CADPS2: variants seen among roughly 807,000 people sequenced by gnomAD.
CADPS2 encodes calcium-dependent secretion activator 2.
A neutral mutation model predicts 172.5 loss-of-function variants in CADPS2; 93 were observed. The observed-to-expected ratio is 0.54, with a 90% CI of 0.46 to 0.64. CADPS2 has a LOEUF of 0.64. Among genes scored for constraint, CADPS2 ranks in the 30% least tolerant of loss-of-function variants. CADPS2 has a pLI of 0.00. For missense variants in CADPS2, 1,420 were observed against 1,565.9 expected, an observed-to-expected ratio of 0.91 and a Z score of 1.57; for synonymous variants, 546 against 555.2, an observed-to-expected ratio of 0.98 and a Z score of 0.23.
intron 2 of CADPS2, chr7:122,698,220 T>C: frequency 1.2e-6 from 2 of 1,614,004 alleles, no homozygotes; most frequent in East Asian, 2.2e-5. Context: ...GTTGTCCAAA[T>C]GTGTTCTGAA....
intron 1 of CADPS2, among the ~76,000 whole-genome samples, chr7:122,754,053 CTG>C (rs1326084148): frequency 1.3e-5 from 2 of 152,190 alleles, no homozygotes; most frequent in Admixed American, 6.5e-5. Flanking sequence ...TTACACAAAA[CTG>C]TGTCTCTCCT....
intron 5 of CADPS2, among the ~76,000 whole-genome samples, chr7:122,616,908 TG>T (rs1210448549): frequency 6.6e-6 from 1 of 152,204 alleles, no homozygotes. Context: ...CAACTACACT[TG>T]GACTTACCAC....
intron 2 of CADPS2, among the ~76,000 whole-genome samples, chr7:122,732,335 C>CTT (rs994706823): frequency 6.9e-6 from 1 of 145,358 alleles, no homozygotes; most frequent in Non-Finnish European, 1.5e-5. Context: ...AGACAGAAAA[C>CTT]TTTTTTTTTT....
chr7:122,508,538 T>A (rs1416351337), intron 9 of CADPS2, among the ~76,000 whole-genome samples: 1 of 136,916 alleles, frequency 7.3e-6, no homozygotes, highest in Non-Finnish European at 1.6e-5. Context: ...AATCATGGCC[T>A]ACTGCAGCCT....
intron 1 of CADPS2, among the ~76,000 whole-genome samples, chr7:122,852,526 G>C (rs1409863582): frequency 6.6e-6 from 1 of 152,190 alleles, no homozygotes; most frequent in Non-Finnish European, 1.5e-5. Context: ...TTTAAATAGG[G>C]AGGCCAGGGA....
At chr7:122,362,751 T>C (rs2040333356) in intron 25 of CADPS2, among the ~76,000 whole-genome samples, 1 of 152,212 alleles carries the variant, frequency 6.6e-6, no homozygotes, top group Non-Finnish European at 1.5e-5. Context: ...AACAAAGTGA[T>C]AATAGTTCTA....
In CADPS2 at chr7:122,445,894, C is replaced by T. The variant is rs186250703; in HGVS notation, c.2289-4319G>A. ...TTTAGATTCGGTAAGATTTTCTACT[C>T]AGATAATCATGTTACTTGCAAATAA... On this transcript the variant is annotated intron_variant, in intron 15 of 29. Coordinates refer to ENST00000449022, the MANE Select transcript of CADPS2 (RefSeq NM_017954.11). 4.6e-5 allele frequency among the ~76,000 whole-genome samples: 7 copies of T among 152,274 alleles called. No individual in the cohort carries two copies. The East Asian group carries it at 1.3e-3, about 29-fold the overall frequency.
chr7:122,705,164 C>T (rs2086792184), intron 2 of CADPS2, among the ~76,000 whole-genome samples: 3 of 151,780 alleles, frequency 2.0e-5, no homozygotes, highest in Non-Finnish European at 4.4e-5. Context: ...GAGATCTGTA[C>T]AAGTTACCTT....
chr7:122,410,986 A>G (rs951125305), intron 19 of CADPS2, among the ~76,000 whole-genome samples: 1 of 152,196 alleles, frequency 6.6e-6, no homozygotes, highest in African/African-American at 2.4e-5. Context: ...GTTGGTAGAT[A>G]ACAAAGCAAT....
intron 1 of CADPS2, among the ~76,000 whole-genome samples, chr7:122,740,241 G>T (rs2137936554): frequency 6.6e-6 from 1 of 152,212 alleles, no homozygotes; most frequent in Admixed American, 6.5e-5. Flanking sequence ...TTGCCCAAAT[G>T]AGTTGGAAAT....
intron 1 of CADPS2, among the ~76,000 whole-genome samples, chr7:122,813,044 A>G (rs1014379568): frequency 4.6e-5 from 7 of 152,182 alleles, no homozygotes; most frequent in Non-Finnish European, 8.8e-5. Flanking sequence ...AAAAGCCTCA[A>G]TAACAGGACT....
intron 1 of CADPS2, among the ~76,000 whole-genome samples, chr7:122,767,616 C>T (rs1485206990): frequency 6.6e-6 from 1 of 152,104 alleles, no homozygotes. Context: ...CTGGCACACC[C>T]TTTGTGCCTT....
At chr7:122,786,768 A>G (rs931717189) in intron 1 of CADPS2, among the ~76,000 whole-genome samples, 4 of 151,860 alleles carry the variant, frequency 2.6e-5, no homozygotes, top group East Asian at 3.9e-4. Flanking sequence ...TTTTTTTTCT[A>G]TAAGAGTGGT....
intron 1 of CADPS2, among the ~76,000 whole-genome samples, chr7:122,804,071 T>C (rs994996438): frequency 2.6e-5 from 4 of 151,784 alleles, no homozygotes; most frequent in African/African-American, 9.6e-5. Context: ...TGGTCACTCA[T>C]TCCCAGCTAC....
chr7:122,799,707 G>A (rs1358035674), intron 1 of CADPS2, among the ~76,000 whole-genome samples: 1 of 151,804 alleles, frequency 6.6e-6, no homozygotes, highest in Non-Finnish European at 1.5e-5. Flanking sequence ...GTGTCAAAAG[G>A]AGTCTGAACA....
intron 1 of CADPS2, among the ~76,000 whole-genome samples, chr7:122,762,011 A>ATAT (rs1490424457): frequency 2.5e-5 from 2 of 80,390 alleles, no homozygotes; most frequent in African/African-American, 5.4e-5. Flanking sequence ...AAAAAAAAAA[A>ATAT]AAATATATAT....
intron 17 of CADPS2, among the ~76,000 whole-genome samples, chr7:122,433,397 GT>G (rs1231388240): frequency 3.6e-5 from 5 of 137,750 alleles, no homozygotes; most frequent in Non-Finnish European, 6.2e-5. Context: ...TTTTCTTTGT[GT>G]TTTTTTGGTT....
At chr7:122,785,389 G>A (rs1793781014) in intron 1 of CADPS2, among the ~76,000 whole-genome samples, 6 of 152,096 alleles carry the variant, frequency 3.9e-5, no homozygotes, top group Admixed American at 2.6e-4. Context: ...AGAATCACTT[G>A]GGGAGTTGTT....
At chr7:122,723,260 A>G (rs556811525) in intron 2 of CADPS2, among the ~76,000 whole-genome samples, 6 of 152,324 alleles carry the variant, frequency 3.9e-5, no homozygotes, top group African/African-American at 1.2e-4. Flanking sequence ...AGAATGGGAG[A>G]ACATTTTTGC....
Sources: allele counts gnomAD v4.1 joint callset (sites outside exome capture counted in the v4.1 genomes callset), GRCh38; gene constraint gnomAD v4.1.1; transcripts MANE v1.5; gene names NCBI Gene and HGNC (gene_info 2026-07-23, HGNC 2026-07-21).